FAM227A: variants seen among roughly 807,000 people sequenced by gnomAD.
FAM227A encodes the protein protein FAM227A.
Under a neutral mutation model 74.7 loss-of-function variants are expected in FAM227A, and 80 were observed. The observed-to-expected ratio is 1.07, with a 90% confidence interval of 0.89 to 1.29. The LOEUF is 1.29. Ranked by LOEUF, FAM227A falls within the 50% of genes most tolerant of loss-of-function variation. The pLI is 0.00. For synonymous variants in FAM227A, 237 were observed against 241.8 expected, an observed-to-expected ratio of 0.98 and a Z score of 0.19; for missense variants, 654 against 683.4, an observed-to-expected ratio of 0.96 and a Z score of 0.48.
At chr22:38,587,222 A>G (rs1472197442) in intron 16 of FAM227A, among the ~76,000 whole-genome samples, 1 of 152,238 alleles carries the variant, frequency 6.6e-6, no homozygotes, top group South Asian at 2.1e-4. Context: ...GCCTAGCAAA[A>G]GAAGCACAAA....
At chr22:38,620,153 G>T in intron 11 of FAM227A, 59 bp downstream of exon 11, 1 of 1,211,126 alleles carries the variant, frequency 8.3e-7, no homozygotes, top group Non-Finnish European at 1.2e-6. Flanking sequence ...CAGAAGAACC[G>T]AGGGTTCCTG....
chr22:38,617,774 G>C (rs575921776), intron 11 of FAM227A, among the ~76,000 whole-genome samples: 13 of 152,274 alleles, frequency 8.5e-5, no homozygotes, highest in African/African-American at 3.1e-4. Flanking sequence ...TAAAGTAGGA[G>C]GATTGCTTGA....
intron 16 of FAM227A, among the ~76,000 whole-genome samples, chr22:38,589,109 A>G (rs1046821386): frequency 7.9e-5 from 12 of 152,138 alleles, no homozygotes; most frequent in African/African-American, 2.9e-4. Flanking sequence ...CCTTTATCCA[A>G]TATGACTGCT....
chr22:38,607,727 A>G (rs1466861024), intron 11 of FAM227A, among the ~76,000 whole-genome samples: 1 of 152,118 alleles, frequency 6.6e-6, no homozygotes, highest in African/African-American at 2.4e-5. Context: ...CAATTCTCTC[A>G]CTCAACAGCC....
In FAM227A at chr22:38,636,466, G is replaced by A; in HGVS notation, c.504C>T (p.Asp168=). 6.4e-7 allele frequency: 1 copy of A among 1,551,274 alleles called. No homozygotes were observed. Among genetic ancestry groups the A allele is most frequent in the Non-Finnish European group, 8.7e-7 (1 of 1,146,794 alleles). The part of the protein sequence containing the change: ...MVGNVVRAER[D]CLSGKHFCSG... ...TTTTCCTCACCTTGCCACTAAGGCA[G>A]TCTCTCTCAGCCCGGACCACGTTGC... Residue 168 remains aspartate, a synonymous_variant, in exon 6 of 17, where the codon GAC becomes GAT. Coordinates refer to ENST00000535113, the MANE Select transcript of FAM227A (RefSeq NM_001013647.2).
At chr22:38,645,257 G>A (rs1468016065) in intron 3 of FAM227A, among the ~76,000 whole-genome samples, 2 of 151,908 alleles carry the variant, frequency 1.3e-5, no homozygotes, top group African/African-American at 4.8e-5. Flanking sequence ...TGGGCATGGT[G>A]GCACGCACCT....
chr22:38,641,761 T>G (rs2092119558), intron 3 of FAM227A, among the ~76,000 whole-genome samples: 1 of 152,094 alleles, frequency 6.6e-6, no homozygotes, highest in African/African-American at 2.4e-5. Context: ...ATCTTAGAGC[T>G]CTTTAGATTT....
chr22:38,650,088 C>G lies in FAM227A; in HGVS notation c.81G>C (p.Ser27=), dbSNP rs374482512. 1 of 1,552,050 alleles carries G rather than the reference C, an allele frequency of 6.4e-7. No homozygotes were observed. The highest frequency in any genetic ancestry group is 8.7e-7 in the Non-Finnish European group (1 of 1,147,064). Residue 27 remains serine, a synonymous_variant, in exon 2 of 17, where the codon TCG becomes TCC. Coordinates refer to ENST00000535113, the MANE Select transcript of FAM227A (RefSeq NM_001013647.2). ...MIPVDEHLAV[S]LVARNTMVKT... ...TCACCATTGTATTCCGTGCGACAAG[C>G]GAGACAGCCAGGTGCTCATCCACTG...
At chr22:38,633,311 A>C (rs2091946921) in intron 6 of FAM227A, among the ~76,000 whole-genome samples, 1 of 152,188 alleles carries the variant, frequency 6.6e-6, no homozygotes, top group Non-Finnish European at 1.5e-5. Flanking sequence ...TATTTGTAGT[A>C]AGTCTGAAGG....
At chr22:38,634,044 C>T (rs1347697099) in intron 6 of FAM227A, among the ~76,000 whole-genome samples, 1 of 151,622 alleles carries the variant, frequency 6.6e-6, no homozygotes, top group Non-Finnish European at 1.5e-5. Context: ...CATGGGGAAA[C>T]CCTGTCTCTA....
At chr22:38,600,274 T>C (rs933335846) in intron 13 of FAM227A, among the ~76,000 whole-genome samples, 3 of 151,456 alleles carry the variant, frequency 2.0e-5, no homozygotes, top group Non-Finnish European at 4.4e-5. Flanking sequence ...AGATGCAAAG[T>C]TTGATAGTGT....
chr22:38,630,086 G>A (rs1157698999), intron 6 of FAM227A, among the ~76,000 whole-genome samples: 2 of 136,106 alleles, frequency 1.5e-5, no homozygotes, highest in African/African-American at 5.6e-5. Context: ...CCATCAGGAA[G>A]CGTGCCTCTT....
intron 5 of FAM227A, among the ~76,000 whole-genome samples, 169 bp from the exon 6 acceptor site, chr22:38,636,766 ATTTCT>A (rs763064911): frequency 0.039 from 5,311 of 136,602 alleles, 110 homozygotes; most frequent in East Asian, 0.11. Context: ...TATCTACATT[ATTTCT>A]TTTTTTTTTT....
intron 11 of FAM227A, among the ~76,000 whole-genome samples, chr22:38,613,424 T>TATATAATATATAATA (rs71197123): frequency 8.8e-6 from 1 of 113,528 alleles, no homozygotes; most frequent in South Asian, 2.4e-4. Flanking sequence ...ATATATATAA[T>TATATAATATATAATA]TTGTTTGTTT....
At chr22:38,593,418 C>T (rs1415893858) in intron 15 of FAM227A, among the ~76,000 whole-genome samples, 4 of 152,200 alleles carry the variant, frequency 2.6e-5, no homozygotes, top group African/African-American at 9.6e-5. Flanking sequence ...GGCAGGAGAA[C>T]GGCATGAACC....
chr22:38,615,157 G>T (rs1335626008), intron 11 of FAM227A, among the ~76,000 whole-genome samples: 1 of 152,130 alleles, frequency 6.6e-6, no homozygotes, highest in East Asian at 1.9e-4. Context: ...CCCGTAGCTG[G>T]GATTATAGGC....
chr22:38,604,444 C>T (rs2146240318), intron 13 of FAM227A, among the ~76,000 whole-genome samples: 1 of 152,308 alleles, frequency 6.6e-6, no homozygotes. Context: ...TCACCCTGTT[C>T]TGGTCCCACT....
At chr22:38,590,279 CAAAAAAAAAAAA>C (rs71197120) in intron 16 of FAM227A, among the ~76,000 whole-genome samples, 2 of 58,028 alleles carry the variant, frequency 3.4e-5, no homozygotes, top group South Asian at 6.2e-4. Flanking sequence ...GACTCCATCT[CAAAAAAAAAAAA>C]AAAAAAAAAA....
chr22:38,597,156 C>T, intron 15 of FAM227A, 48 bp downstream of exon 15: 1 of 1,536,614 alleles, frequency 6.5e-7, no homozygotes, highest in Non-Finnish European at 8.8e-7. Flanking sequence ...TCGTGTGCTG[C>T]AAAAGATAAG....
Sources: allele counts gnomAD v4.1 joint callset (sites outside exome capture counted in the v4.1 genomes callset), GRCh38; gene constraint gnomAD v4.1.1; transcripts MANE v1.5; gene names NCBI Gene and HGNC (gene_info 2026-07-23, HGNC 2026-07-21).